Variants in SHISA9 observed in about 807,000 individuals in gnomAD.
SHISA9 encodes the protein shisa family member 9, also known as protein shisa-9.
In SHISA9, 13 loss-of-function variants were observed where a neutral mutation model predicts 38.0. That is an observed-to-expected ratio of 0.34 (90% CI 0.22 to 0.54). The LOEUF is 0.54. Ranked by LOEUF, SHISA9 falls within the 20% of genes least tolerant of loss-of-function variation. The pLI, the probability that SHISA9 is intolerant of heterozygous loss-of-function variation, is 0.91. For missense variants in SHISA9, 538 were observed against 575.8 expected, an observed-to-expected ratio of 0.93 and a Z score of 0.67; for synonymous variants, 275 against 242.0, an observed-to-expected ratio of 1.14 and a Z score of -1.27.
chr16:12,989,543 A>G (rs1486237150), intron 2 of SHISA9, among the ~76,000 whole-genome samples: 1 of 151,950 alleles, frequency 6.6e-6, no homozygotes. Flanking sequence ...AGCCATTGAC[A>G]TGGGTGCATC....
chr16:13,031,465 T>A (rs1343106658), intron 2 of SHISA9, among the ~76,000 whole-genome samples: 1 of 152,180 alleles, frequency 6.6e-6, no homozygotes, highest in Non-Finnish European at 1.5e-5. Context: ...AACCAGTAAC[T>A]GTGCAAAGGC....
the SHISA9 span, among the ~76,000 whole-genome samples, chr16:13,558,517 AC>A: frequency 2.0e-5 from 3 of 152,152 alleles, no homozygotes; most frequent in Non-Finnish European, 2.9e-5. Flanking sequence ...TCAATGCATA[AC>A]CTTGTTTTTT....
intron 1 of SHISA9, among the ~76,000 whole-genome samples, chr16:12,916,378 A>T (rs1177428339): frequency 2.6e-5 from 4 of 152,206 alleles, no homozygotes; most frequent in African/African-American, 9.7e-5. Flanking sequence ...GAGAGAACTA[A>T]ATCTATGGAG....
At chr16:12,960,405 C>G (rs999241983) in intron 2 of SHISA9, among the ~76,000 whole-genome samples, 3 of 152,120 alleles carry the variant, frequency 2.0e-5, no homozygotes, top group Non-Finnish European at 4.4e-5. Flanking sequence ...ACCCAGCAAT[C>G]CCGTTAGTGG....
At chr16:13,269,005 G>A in the SHISA9 span, among the ~76,000 whole-genome samples, 1 of 151,982 alleles carries the variant, frequency 6.6e-6, no homozygotes, top group African/African-American at 2.4e-5. Context: ...AGACATCCAG[G>A]TAAAAAAAAA....
the SHISA9 span, among the ~76,000 whole-genome samples, chr16:13,391,173 GAGTA>G: frequency 2.0e-5 from 3 of 152,318 alleles, no homozygotes; most frequent in East Asian, 3.9e-4. Context: ...CTGCTGAATA[GAGTA>G]AGTGAGATCA....
chr16:13,283,541 A>T, the SHISA9 span, among the ~76,000 whole-genome samples: 1 of 152,072 alleles, frequency 6.6e-6, no homozygotes, highest in Non-Finnish European at 1.5e-5. Flanking sequence ...AGCCAAGCAA[A>T]AGGGGTTTCT....
chr16:13,471,432 ACT>A, the SHISA9 span, among the ~76,000 whole-genome samples: 3 of 152,054 alleles, frequency 2.0e-5, no homozygotes, highest in Non-Finnish European at 2.9e-5. Flanking sequence ...TCTAGATCCG[ACT>A]CTCTCCTTTT....
In SHISA9 at chr16:13,104,165, A is replaced by C. The variant is rs191640814; in HGVS notation, c.692-99229A>C. Among the ~76,000 whole-genome samples the C allele has an allele frequency of 7.2e-5, 11 of 152,248 alleles. 1 individual carries two copies. The highest frequency in any genetic ancestry group is 1.5e-5 in the Non-Finnish European group (1 of 68,016). On this transcript the variant is annotated intron_variant, in intron 2 of 4. Coordinates refer to ENST00000558583, the MANE Select transcript of SHISA9 (RefSeq NM_001145204.3). ...GTTGTCTAAGGGGGCCAGGTTTACC[A>C]GCTTTCCATATTCTCAGTCATGTCT...
the SHISA9 span, among the ~76,000 whole-genome samples, chr16:13,300,373 C>G: frequency 6.6e-6 from 1 of 152,212 alleles, no homozygotes; most frequent in African/African-American, 2.4e-5. Flanking sequence ...CTCCTCATTC[C>G]TAGCCCCAAA....
At chr16:13,178,486 A>G (rs1430594549) in intron 2 of SHISA9, among the ~76,000 whole-genome samples, 1 of 152,146 alleles carries the variant, frequency 6.6e-6, no homozygotes, top group Non-Finnish European at 1.5e-5. Flanking sequence ...CTCCCGACAC[A>G]GCAGATGGAG....
intron 2 of SHISA9, among the ~76,000 whole-genome samples, chr16:13,050,122 T>C (rs2073233699): frequency 6.6e-6 from 1 of 152,138 alleles, no homozygotes; most frequent in Non-Finnish European, 1.5e-5. Context: ...TAGGATATAT[T>C]GGTAAGTTTT....
intron 2 of SHISA9, among the ~76,000 whole-genome samples, chr16:13,133,870 G>A (rs1220717637): frequency 1.3e-5 from 2 of 152,270 alleles, no homozygotes; most frequent in South Asian, 2.1e-4. Flanking sequence ...GTTCACTTTG[G>A]CAGGGAAGAA....
At chr16:12,938,528 A>G (rs6498365) in intron 2 of SHISA9, among the ~76,000 whole-genome samples, 19,040 of 149,978 alleles carry the variant, frequency 0.13, 1,447 homozygotes, top group African/African-American at 0.22. Context: ...ATGGAGTTTC[A>G]CTCTTGTTGC....
At chr16:12,979,282 A>G (rs1020634060) in intron 2 of SHISA9, among the ~76,000 whole-genome samples, 2 of 150,506 alleles carry the variant, frequency 1.3e-5, no homozygotes, top group African/African-American at 4.9e-5. Context: ...TATATGCAAG[A>G]CACTGTGCCT....
In SHISA9 at chr16:13,088,918, GC is replaced by G. The variant is rs2073743256; in HGVS notation, c.692-114473del. On this transcript the variant is annotated intron_variant, in intron 2 of 4. Coordinates refer to ENST00000558583, the MANE Select transcript of SHISA9 (RefSeq NM_001145204.3). ...TTCAAAGGGAATGCTTCCACTTTTT[GC>G]CCATTCAGTATGATATTGGCTGTGG... 2.6e-5 allele frequency among the ~76,000 whole-genome samples: 4 copies of G among 152,096 alleles called. No individual in the cohort carries two copies. The South Asian group carries it at 8.3e-4, about 32-fold the overall frequency.
the SHISA9 span, among the ~76,000 whole-genome samples, chr16:13,539,232 A>C: frequency 6.7e-6 from 1 of 149,506 alleles, no homozygotes; most frequent in Admixed American, 6.7e-5. Flanking sequence ...CAAGCTCAAG[A>C]GATCCTCTTA....
chr16:13,519,550 C>A, the SHISA9 span, among the ~76,000 whole-genome samples: 4 of 152,230 alleles, frequency 2.6e-5, no homozygotes, highest in East Asian at 7.7e-4. Flanking sequence ...CTATAGCTAT[C>A]TTTGTTTTTA....
chr16:13,324,187 CA>C, the SHISA9 span, among the ~76,000 whole-genome samples: 2 of 152,202 alleles, frequency 1.3e-5, no homozygotes, highest in African/African-American at 4.8e-5. Context: ...AACTGTAAGG[CA>C]AAATAAACCC....
Sources: gnomAD v4.1 joint callset for allele counts (sites outside exome capture counted in the v4.1 genomes callset) on GRCh38, gnomAD v4.1.1 for gene constraint, MANE v1.5 for transcripts, NCBI Gene and HGNC (gene_info 2026-07-23, HGNC 2026-07-21) for gene names.